The following NKAIN3 variants were observed in gnomAD, a reference collection of about 807,000 sequenced individuals.
NKAIN3 encodes the protein sodium/potassium transporting ATPase interacting 3.
In NKAIN3, 25 loss-of-function variants were observed where a neutral mutation model predicts 30.2. That is an observed-to-expected ratio of 0.83 (90% CI 0.60 to 1.16). The LOEUF is 1.16. Ranked by LOEUF, NKAIN3 falls within the 50% of genes most tolerant of loss-of-function variation. The pLI, the probability that NKAIN3 is intolerant of heterozygous loss-of-function variation, is 0.00. For missense variants in NKAIN3, 225 were observed against 254.1 expected (o/e 0.89, Z 0.78); for synonymous variants, 91 against 89.6 (o/e 1.02, Z -0.09).
At chr8:62,890,691 G>A (rs886826889) in intron 4 of NKAIN3, among the ~76,000 whole-genome samples, 5 of 152,138 alleles carry the variant, frequency 3.3e-5, no homozygotes, top group African/African-American at 1.2e-4. Flanking sequence ...GAACCTGCTT[G>A]CACACTCACC....
At chr8:62,870,248 ATC>A (rs1374262419) in intron 4 of NKAIN3, among the ~76,000 whole-genome samples, 5 of 134,580 alleles carry the variant, frequency 3.7e-5, no homozygotes, top group African/African-American at 1.4e-4. Context: ...ATCTATAGAT[ATC>A]TATATATATA....
chr8:62,670,881 A>G (rs56083055), intron 3 of NKAIN3, among the ~76,000 whole-genome samples: 3,736 of 59,818 alleles, frequency 0.062, 58 homozygotes, highest in African/African-American at 0.21. Flanking sequence ...ACATACAAGC[A>G]CACACACACA....
intron 4 of NKAIN3, among the ~76,000 whole-genome samples, chr8:62,749,621 GT>G (rs1816202927): frequency 6.9e-6 from 1 of 145,244 alleles, no homozygotes; most frequent in Non-Finnish European, 1.5e-5. Flanking sequence ...GGTTTCTTGT[GT>G]TTGTCACTTA....
chr8:62,924,973 C>T (rs780640049), intron 5 of NKAIN3, among the ~76,000 whole-genome samples: 2 of 151,996 alleles, frequency 1.3e-5, no homozygotes, highest in Non-Finnish European at 2.9e-5. Flanking sequence ...AACACCATCA[C>T]GCTGGGGATT....
At chr8:62,802,805 A>G (rs562517551) in intron 4 of NKAIN3, among the ~76,000 whole-genome samples, 1 of 152,342 alleles carries the variant, frequency 6.6e-6, no homozygotes, top group East Asian at 1.9e-4. Context: ...CTCCATTTAA[A>G]AGACACACAC....
chr8:62,962,327 A>G (rs1310927171), intron 6 of NKAIN3, among the ~76,000 whole-genome samples: 2 of 152,228 alleles, frequency 1.3e-5, no homozygotes, highest in South Asian at 4.1e-4. Flanking sequence ...TATGCACTTC[A>G]TAGTGATGCT....
chr8:62,948,953 AG>A (rs1823203909), intron 5 of NKAIN3, among the ~76,000 whole-genome samples: 2 of 152,216 alleles, frequency 1.3e-5, no homozygotes, highest in African/African-American at 4.8e-5. Context: ...GGAGGATCCA[AG>A]TATCTATTCT....
intron 4 of NKAIN3, among the ~76,000 whole-genome samples, chr8:62,852,648 G>A (rs564017433): frequency 6.6e-6 from 1 of 152,146 alleles, no homozygotes; most frequent in East Asian, 1.9e-4. Flanking sequence ...ATTCTGGTAT[G>A]TTGTGTCTTT....
At chr8:62,251,528 A>C (rs568642429) in intron 1 of NKAIN3, among the ~76,000 whole-genome samples, 2 of 152,274 alleles carry the variant, frequency 1.3e-5, no homozygotes, top group East Asian at 3.9e-4. Context: ...GGAAAGTGAA[A>C]ATTTGAAGAA....
At chr8:62,915,380 G>A (rs1311849804) in intron 4 of NKAIN3, among the ~76,000 whole-genome samples, 2 of 152,126 alleles carry the variant, frequency 1.3e-5, no homozygotes, top group Admixed American at 6.5e-5. Context: ...GAAGGACCAG[G>A]GAGATGGCAG....
chr8:62,543,589 A>G (rs1207598933), intron 1 of NKAIN3, among the ~76,000 whole-genome samples: 1 of 152,304 alleles, frequency 6.6e-6, no homozygotes, highest in Admixed American at 6.5e-5. Context: ...TGTCTGTCAC[A>G]TTGGCCTAGA....
chr8:62,262,366 C>T (rs1013716656), intron 1 of NKAIN3, among the ~76,000 whole-genome samples: 5 of 152,080 alleles, frequency 3.3e-5, no homozygotes, highest in African/African-American at 9.7e-5. Context: ...TTTCTTCAGC[C>T]GATGAACCAC....
chr8:62,693,157 G>T (rs73685442), intron 3 of NKAIN3, among the ~76,000 whole-genome samples: 1 of 151,986 alleles, frequency 6.6e-6, no homozygotes, highest in Non-Finnish European at 1.5e-5. Context: ...TGGCTCATTG[G>T]GTGCTTCAAA....
At chr8:62,462,722 T>C (rs1242595640) in intron 1 of NKAIN3, among the ~76,000 whole-genome samples, 10 of 152,144 alleles carry the variant, frequency 6.6e-5, no homozygotes, top group Admixed American at 6.5e-4. Context: ...AAAAGGATCA[T>C]TGGCAATATT....
chr8:62,537,083 A>G (rs1808688157), intron 1 of NKAIN3, among the ~76,000 whole-genome samples: 1 of 152,200 alleles, frequency 6.6e-6, no homozygotes, highest in African/African-American at 2.4e-5. Context: ...ACAACCAGTT[A>G]CCTTATGTCT....
chr8:62,677,899 G>T (rs966993267), intron 3 of NKAIN3, among the ~76,000 whole-genome samples: 1 of 152,046 alleles, frequency 6.6e-6, no homozygotes, highest in Non-Finnish European at 1.5e-5. Flanking sequence ...CCTATCCCCT[G>T]GTCTAGCTAG....
At chr8:62,535,918 G>A (rs920043721) in intron 1 of NKAIN3, among the ~76,000 whole-genome samples, 1 of 152,124 alleles carries the variant, frequency 6.6e-6, no homozygotes, top group African/African-American at 2.4e-5. Flanking sequence ...GACATCAATG[G>A]CCTGCCTCTG....
intron 1 of NKAIN3, among the ~76,000 whole-genome samples, chr8:62,289,466 G>C (rs1213683843): frequency 6.6e-6 from 1 of 152,116 alleles, no homozygotes; most frequent in African/African-American, 2.4e-5. Context: ...CATATGGCTA[G>C]CCAGTTTTCC....
chr8:62,925,171 G>T (rs1197814894), intron 5 of NKAIN3, among the ~76,000 whole-genome samples: 1 of 151,984 alleles, frequency 6.6e-6, no homozygotes, highest in Non-Finnish European at 1.5e-5. Context: ...TTAATTAATT[G>T]CATCCCCCAC....
Sources: gnomAD v4.1 joint callset for allele counts (sites outside exome capture counted in the v4.1 genomes callset) on GRCh38, gnomAD v4.1.1 for gene constraint, MANE v1.5 for transcripts, NCBI Gene and HGNC (gene_info 2026-07-23, HGNC 2026-07-21) for gene names.